NCALD: variants seen among roughly 807,000 people sequenced by gnomAD.
NCALD encodes neurocalcin-delta.
NCALD carries 10 observed loss-of-function variants against 18.6 expected under a neutral mutation model. That is an observed-to-expected ratio of 0.54 (90% CI 0.33 to 0.91). The LOEUF is 0.91. NCALD is among the 40% of genes least tolerant of loss of function. NCALD has a pLI of 0.03. For synonymous variants in NCALD, 88 were observed against 87.4 expected (o/e 1.01, Z -0.04); for missense variants, 184 against 247.6 (o/e 0.74, Z 1.72).
rs1003796265 is a variant in NCALD at position 101,986,914 on chromosome 8, G to A, written c.-157+33323C>T. ...GGGTTGATAAGAATGTGAGGGGAGCGAAGACTCTCCAGCAGGGAGGTGCTG... is the reference window on the plus strand; with the variant it reads ...GGGTTGATAAGAATGTGAGGGGAGCAAAGACTCTCCAGCAGGGAGGTGCTG... On this transcript the variant is annotated intron_variant, in intron 2 of 6. Transcript: ENST00000311028. Among the ~76,000 whole-genome samples, 12 of 152,268 alleles carry A rather than the reference G, an allele frequency of 7.9e-5. No homozygotes were observed. In the East Asian group the frequency reaches 9.7e-4, roughly 12 times the overall value.
At chr8:101,918,464 A>G (rs772035594) in intron 2 of NCALD, among the ~76,000 whole-genome samples, 6 of 152,134 alleles carry the variant, frequency 3.9e-5, no homozygotes, top group Admixed American at 6.6e-5. Flanking sequence ...CAATCTATTA[A>G]TAATACTGGA....
intron 1 of NCALD, among the ~76,000 whole-genome samples, chr8:102,104,696 T>C (rs796981342): frequency 3.0e-4 from 45 of 152,314 alleles, no homozygotes; most frequent in African/African-American, 1.0e-3. Flanking sequence ...GCATGGACAG[T>C]ATCCCTTCCC....
At chr8:101,910,322 A>C (rs75091999) in intron 3 of NCALD, among the ~76,000 whole-genome samples, 1 of 140,150 alleles carries the variant, frequency 7.1e-6, no homozygotes, top group Non-Finnish European at 1.5e-5. Flanking sequence ...TTGATCCGAC[A>C]TGAGAGGAGG....
intron 1 of NCALD, among the ~76,000 whole-genome samples, chr8:102,092,373 AC>A (rs927484993): frequency 2.0e-5 from 3 of 152,178 alleles, no homozygotes; most frequent in African/African-American, 7.2e-5. Context: ...TTATTCCTTT[AC>A]TTTCCTAATA....
chr8:101,837,844 G>A (rs1814476463), intron 4 of NCALD, among the ~76,000 whole-genome samples: 1 of 152,188 alleles, frequency 6.6e-6, no homozygotes. Context: ...TCAAGTGATG[G>A]TAAAGGTGGC....
intron 1 of NCALD, among the ~76,000 whole-genome samples, chr8:102,116,689 G>T (rs1417710693): frequency 2.6e-5 from 4 of 151,666 alleles, no homozygotes; most frequent in African/African-American, 7.3e-5. Flanking sequence ...TTATTTTTTG[G>T]TAGAGATGGG....
At chr8:101,767,227 A>G (rs1000309429) in intron 1 of NCALD, among the ~76,000 whole-genome samples, 1 of 152,230 alleles carries the variant, frequency 6.6e-6, no homozygotes, top group African/African-American at 2.4e-5. Context: ...TACTAGAATT[A>G]TAATAAAAAT....
intron 2 of NCALD, among the ~76,000 whole-genome samples, chr8:101,922,344 G>C (rs908938452): frequency 6.6e-6 from 1 of 152,080 alleles, no homozygotes; most frequent in African/African-American, 2.4e-5. Flanking sequence ...AAGACAACTG[G>C]GTGAGACCAA....
chr8:101,954,904 T>C (rs1325481622), intron 2 of NCALD, among the ~76,000 whole-genome samples: 1 of 152,190 alleles, frequency 6.6e-6, no homozygotes, highest in Non-Finnish European at 1.5e-5. Context: ...TGATAGATGA[T>C]CTATGGCTTC....
At position 101,820,123 on chromosome 8, in the gene NCALD, A is replaced by T. The variant is rs191136550; in HGVS notation, c.-20+67018T>A. ...ATTATTAAGAGGGACTTCAGGAATG[A>T]AGCAGAGTTGGCTGTCTGGAAGACA... On this transcript the variant is annotated intron_variant, in intron 4 of 6. Transcript: ENST00000311028. 1.1e-3 allele frequency among the ~76,000 whole-genome samples: 163 copies of T among 152,352 alleles called. 1 individual carries two copies. The highest frequency in any genetic ancestry group is 1.1e-3 in the Non-Finnish European group (74 of 68,042).
At chr8:101,690,660 C>T (rs370988939) in intron 3 of NCALD, 3 of 984,488 alleles carry the variant, frequency 3.0e-6, no homozygotes, top group East Asian at 1.1e-4. Flanking sequence ...TAATGAAACC[C>T]ACTTTATCTC....
At chr8:101,947,789 C>G (rs972713053) in intron 2 of NCALD, among the ~76,000 whole-genome samples, 5 of 152,198 alleles carry the variant, frequency 3.3e-5, no homozygotes, top group African/African-American at 9.7e-5. Context: ...TTTCCACTTT[C>G]AGTTAATGCC....
rs184083578 is a variant in NCALD at position 101,971,793 on chromosome 8, C to T, written c.-157+48444G>A. 5.3e-5 allele frequency among the ~76,000 whole-genome samples: 8 copies of T among 152,276 alleles called. No homozygotes were observed. In the East Asian group the frequency reaches 1.2e-3, roughly 22 times the overall value. ...CATGGCTTAATAAAAGACCCTGAGA[C>T]CCCAGAAACACTGACCTGGCCTCTT... is the stretch of plus-strand genomic sequence containing the variant. On this transcript the variant is annotated intron_variant, in intron 2 of 6. Coordinates refer to the NCALD transcript ENST00000311028.
intron 4 of NCALD, among the ~76,000 whole-genome samples, chr8:101,820,924 C>A (rs1813695616): frequency 6.6e-6 from 1 of 152,134 alleles, no homozygotes; most frequent in South Asian, 2.1e-4. Flanking sequence ...GAGAGCAAGA[C>A]CAAATGGGGA....
At position 101,941,281 on chromosome 8, in the gene NCALD, T is replaced by C. The variant is rs561636107; in HGVS notation, c.-156-25423A>G. The stretch of plus-strand genomic sequence containing the variant: ...CTCAGATAATCAGATCATCAAGCAT[T>C]AGATTCTCATAAGGAGCATTCAACC... On this transcript the variant is annotated intron_variant, in intron 2 of 6. Coordinates refer to the NCALD transcript ENST00000311028. 1.0e-3 allele frequency among the ~76,000 whole-genome samples: 153 copies of C among 152,308 alleles called. 1 individual carries two copies. The highest frequency in any genetic ancestry group is 3.1e-3 in the African/African-American group (130 of 41,568).
chr8:102,008,968 A>ACACACACACACACACAC (rs60824028), intron 2 of NCALD, among the ~76,000 whole-genome samples: 1 of 136,110 alleles, frequency 7.3e-6, no homozygotes, highest in African/African-American at 2.7e-5. Context: ...ACACACACAC[A>ACACACACACACACACAC]AGCCCTAAAA....
At chr8:101,920,474 C>A (rs992475550) in intron 2 of NCALD, among the ~76,000 whole-genome samples, 1 of 152,132 alleles carries the variant, frequency 6.6e-6, no homozygotes, top group Admixed American at 6.5e-5. Context: ...ATGGAATCAA[C>A]CTAGGTGCCC....
intron 2 of NCALD, among the ~76,000 whole-genome samples, chr8:102,001,403 G>A (rs953524686): frequency 6.6e-6 from 1 of 152,214 alleles, no homozygotes; most frequent in African/African-American, 2.4e-5. Context: ...CGTCTGATTG[G>A]TGTACCTGAA....
At chr8:101,938,529 G>A (rs1586788962) in intron 2 of NCALD, among the ~76,000 whole-genome samples, 2 of 152,140 alleles carry the variant, frequency 1.3e-5, no homozygotes, top group African/African-American at 4.8e-5. Flanking sequence ...ACAGTTTTCA[G>A]ATCACATATA....
Sources: gnomAD v4.1 joint callset for allele counts (sites outside exome capture counted in the v4.1 genomes callset) on GRCh38, gnomAD v4.1.1 for gene constraint, MANE v1.5 for transcripts, NCBI Gene and HGNC (gene_info 2026-07-23, HGNC 2026-07-21) for gene names.